VPS13D: variants seen among roughly 807,000 people sequenced by gnomAD.
The protein encoded by VPS13D is vacuolar protein sorting 13 homolog D, also known as intermembrane lipid transfer protein VPS13D.
A neutral mutation model predicts 461.9 loss-of-function variants in VPS13D; 187 were observed. The ratio of observed to expected loss-of-function variants is 0.40; its 90% CI spans 0.36 to 0.46. The LOEUF (loss-of-function observed/expected upper bound fraction) is 0.46. VPS13D is among the 20% of genes least tolerant of loss of function. The pLI is 0.60. For missense variants in VPS13D, 4,711 were observed against 5,364.9 expected (o/e 0.88, Z 3.81); for synonymous variants, 1,951 against 1,986.3 (o/e 0.98, Z 0.47).
intron 62 of VPS13D, chr1:12,402,810 A>G (rs1210367978): frequency 6.6e-6 from 1 of 152,204 alleles, no homozygotes; most frequent in Non-Finnish European, 1.5e-5. Context: ...TTTCTCCTCA[A>G]GCATGGATTT....
intron 68 of VPS13D, among the ~76,000 whole-genome samples, chr1:12,498,710 T>C (rs1645994124): frequency 6.6e-6 from 1 of 152,130 alleles, no homozygotes; most frequent in Admixed American, 6.5e-5. Flanking sequence ...GGCTGAGAGG[T>C]CCAGGATCAA....
At chr1:12,499,382 G>C in intron 68 of VPS13D, 1 of 872,578 alleles carries the variant, frequency 1.1e-6, no homozygotes, top group South Asian at 5.3e-5. Flanking sequence ...GGCTAAATGA[G>C]ATTATAAATT....
intron 23 of VPS13D, among the ~76,000 whole-genome samples, chr1:12,292,404 G>T (rs1642160017): frequency 7.5e-6 from 1 of 133,340 alleles, no homozygotes; most frequent in African/African-American, 2.8e-5. Flanking sequence ...TACATATTCT[G>T]ATTTAATTGG....
intron 2 of VPS13D, among the ~76,000 whole-genome samples, chr1:12,235,932 G>T (rs1350781616): frequency 6.6e-6 from 1 of 152,218 alleles, no homozygotes; most frequent in Non-Finnish European, 1.5e-5. Context: ...CAAAGAGCTG[G>T]TTCTGTCAGG....
chr1:12,439,842 C>T (rs1319822143), intron 65 of VPS13D, among the ~76,000 whole-genome samples: 3 of 152,166 alleles, frequency 2.0e-5, no homozygotes, highest in African/African-American at 4.8e-5. Flanking sequence ...CCCAAGATCA[C>T]GCAGCCAATA....
At chr1:12,338,416 T>C in intron 40 of VPS13D, 111 bp downstream of exon 40, 1 of 894,900 alleles carries the variant, frequency 1.1e-6, no homozygotes, top group Non-Finnish European at 1.8e-6. Flanking sequence ...TTCCATGTCG[T>C]GAGTACTTTA....
chr1:12,324,270 G>A (rs1185292118), intron 35 of VPS13D, among the ~76,000 whole-genome samples: 1 of 152,206 alleles, frequency 6.6e-6, no homozygotes, highest in Non-Finnish European at 1.5e-5. Context: ...CACTCTGGGA[G>A]CAGAGGCAGA....
At chr1:12,290,330 A>G (rs1000615172) in intron 22 of VPS13D, among the ~76,000 whole-genome samples, 2 of 152,164 alleles carry the variant, frequency 1.3e-5, no homozygotes, top group Admixed American at 6.5e-5. Flanking sequence ...TTTTATCCAG[A>G]GTATAATTAA....
Position 12,502,873 on chromosome 1 carries a change from G to A in VPS13D, c.12795-3980G>A, listed in dbSNP as rs888838266. Among the ~76,000 whole-genome samples the A allele has an allele frequency of 3.3e-5, 5 of 152,124 alleles. No individual in the cohort carries two copies. The highest frequency in any genetic ancestry group is 9.7e-5 in the African/African-American group (4 of 41,434). On this transcript the variant is annotated intron_variant, in intron 68 of 69. Coordinates refer to ENST00000620676, the MANE Select transcript of VPS13D (RefSeq NM_015378.4). The surrounding 1 kb of genome is among the most constrained non-coding windows in gnomAD (Gnocchi z 4.3). ...CAACAGAAGAGCTACCATTAACTGC[G>A]GATCTCTTCTGTGTGGGGCACGTAG...
At chr1:12,334,822 T>C (rs1326753317) in intron 38 of VPS13D, among the ~76,000 whole-genome samples, 5 of 151,056 alleles carry the variant, frequency 3.3e-5, no homozygotes, top group Admixed American at 1.3e-4. Flanking sequence ...TGGTAAAATT[T>C]GTTTTGTTTT....
chr1:12,386,845 T>A (rs963845344), intron 60 of VPS13D, among the ~76,000 whole-genome samples: 2 of 152,128 alleles, frequency 1.3e-5, no homozygotes, highest in Non-Finnish European at 2.9e-5. Context: ...GCCCTGTAAT[T>A]GCCTTTCTTA....
At chr1:12,311,731 G>A in intron 28 of VPS13D, 82 bp from the exon 29 acceptor site, 9 of 1,583,150 alleles carry the variant, frequency 5.7e-6, no homozygotes, top group South Asian at 3.4e-5. Context: ...GGAGCAACAA[G>A]CAAATTAGAT....
intron 60 of VPS13D, among the ~76,000 whole-genome samples, chr1:12,395,870 G>C (rs1037623912): frequency 1.3e-5 from 2 of 151,024 alleles, no homozygotes; most frequent in Non-Finnish European, 2.9e-5. Context: ...ATATTCAGCA[G>C]CCAACTCCAG....
intron 24 of VPS13D, among the ~76,000 whole-genome samples, chr1:12,294,087 T>C (rs1418458761): frequency 6.6e-6 from 1 of 152,218 alleles, no homozygotes; most frequent in Non-Finnish European, 1.5e-5. Flanking sequence ...TGGTAGTTTA[T>C]TCATGGCACA....
intron 65 of VPS13D, among the ~76,000 whole-genome samples, chr1:12,422,072 G>T (rs1490558577): frequency 6.6e-6 from 1 of 152,096 alleles, no homozygotes; most frequent in African/African-American, 2.4e-5. Flanking sequence ...CAAGTGATCT[G>T]CCCTCCTTGG....
intron 60 of VPS13D, among the ~76,000 whole-genome samples, chr1:12,395,535 C>A (rs558920381): frequency 8.2e-4 from 125 of 152,282 alleles, no homozygotes; most frequent in Non-Finnish European, 1.1e-3. Flanking sequence ...AAGACTCTCA[C>A]TTAGGGCAAT....
At chr1:12,422,487 T>C (rs779335228) in intron 65 of VPS13D, among the ~76,000 whole-genome samples, 12 of 152,236 alleles carry the variant, frequency 7.9e-5, no homozygotes, top group Non-Finnish European at 1.5e-4. Context: ...TAATGCATTT[T>C]ATTCTATGTT....
intron 67 of VPS13D, among the ~76,000 whole-genome samples, chr1:12,464,164 A>G (rs960573759): frequency 4.6e-5 from 7 of 152,186 alleles, no homozygotes; most frequent in Admixed American, 4.6e-4. Flanking sequence ...ATCTCCAACC[A>G]TCCCGGTTGA....
chr1:12,311,936 G>T lies in VPS13D; in HGVS notation c.6935+11G>T. 6.3e-7 allele frequency: 1 copy of T among 1,597,216 alleles called. No individual in the cohort carries two copies. The highest frequency in any genetic ancestry group is 1.1e-5 in the South Asian group (1 of 90,442). ...TGGGTCCCTAGCCAGGTATGCCTTTGATTATATTATTATACTGTTAGTAAC... is the reference window on the plus strand; with the variant it reads ...TGGGTCCCTAGCCAGGTATGCCTTTTATTATATTATTATACTGTTAGTAAC... On this transcript the variant is annotated intron_variant, in intron 29 of 69. Transcript: ENST00000620676.
Sources: allele counts gnomAD v4.1 joint callset (sites outside exome capture counted in the v4.1 genomes callset), GRCh38; gene constraint gnomAD v4.1.1; non-coding constraint Gnocchi (gnomAD v3.1); transcripts MANE v1.5; gene names NCBI Gene and HGNC (gene_info 2026-07-23, HGNC 2026-07-21).